The following PRKCH variants were observed in gnomAD, a reference collection of about 807,000 sequenced individuals.
The protein encoded by PRKCH is protein kinase C eta.
In PRKCH, 28 loss-of-function variants were observed where a neutral mutation model predicts 82.5. The observed-to-expected ratio is 0.34, with a 90% CI of 0.25 to 0.47. PRKCH has a LOEUF of 0.47. Among genes scored for constraint, PRKCH ranks in the 20% least tolerant of loss-of-function variants. The pLI, the probability that PRKCH is intolerant of heterozygous loss-of-function variation, is 1.00. For missense variants in PRKCH, 705 were observed against 881.8 expected, an observed-to-expected ratio of 0.80 and a Z score of 2.54; for synonymous variants, 322 against 327.4, an observed-to-expected ratio of 0.98 and a Z score of 0.18.
At position 61,361,443 on chromosome 14, in the gene PRKCH, G is replaced by C. The variant is rs1324086033; in HGVS notation, c.364-29782G>C. Among the ~76,000 whole-genome samples, 4 of 152,202 alleles carry C rather than the reference G, an allele frequency of 2.6e-5. No individual in the cohort carries two copies. In the South Asian group the frequency reaches 8.3e-4, roughly 32 times the overall value. On this transcript the variant is annotated intron_variant, in intron 1 of 13. Transcript: ENST00000332981. ...AACATTACAAGTTTATTTTGCTAGT[G>C]AAACCTTTTATTTACCAATGAAGCA...
At position 61,500,713 on chromosome 14, in the gene PRKCH, G is replaced by A. The variant is rs186755584; in HGVS notation, c.1433+15057G>A. On this transcript the variant is annotated intron_variant, in intron 10 of 13. Transcript: ENST00000332981. ...ATAAATCCCAGAACTGAGGATCTCT[G>A]TGCACAGCCCACTCTGCAAAGGTGG... Among the ~76,000 whole-genome samples, 241 of 152,208 alleles carry A rather than the reference G, an allele frequency of 1.6e-3. 1 individual carries two copies. The highest frequency in any genetic ancestry group is 5.2e-3 in the African/African-American group (217 of 41,486).
intron 9 of PRKCH, among the ~76,000 whole-genome samples, chr14:61,459,471 AG>A (rs1220963338): frequency 3.3e-5 from 5 of 152,214 alleles, no homozygotes; most frequent in African/African-American, 9.7e-5. Flanking sequence ...GAGGTTGAAC[AG>A]GGGCCTTGAG....
intron 10 of PRKCH, among the ~76,000 whole-genome samples, chr14:61,485,947 T>C (rs147864468): frequency 2.8e-4 from 42 of 152,286 alleles, no homozygotes; most frequent in African/African-American, 9.4e-4. Flanking sequence ...TTTTATTTTT[T>C]GTAGAGACAG....
chr14:61,189,683 T>A (rs2044395236), intron 1 of PRKCH, among the ~76,000 whole-genome samples: 1 of 151,050 alleles, frequency 6.6e-6, no homozygotes, highest in Non-Finnish European at 1.5e-5. Flanking sequence ...GTTACTTGAT[T>A]TTTTTTTTTC....
chr14:61,303,634 A>G (rs1431774223), intron 1 of PRKCH: 1 of 151,912 alleles, frequency 6.6e-6, no homozygotes, highest in Admixed American at 6.6e-5. Flanking sequence ...TCATCCTTGC[A>G]ATCTTTTTCT....
intron 1 of PRKCH, among the ~76,000 whole-genome samples, chr14:61,246,189 T>C (rs370309412): frequency 1.3e-5 from 2 of 151,080 alleles, no homozygotes; most frequent in Non-Finnish European, 1.5e-5. Flanking sequence ...GTGGATCACC[T>C]GAGGTCAGGA....
intron 1 of PRKCH, among the ~76,000 whole-genome samples, chr14:61,200,401 G>T (rs966670369): frequency 6.6e-6 from 1 of 151,814 alleles, no homozygotes; most frequent in Non-Finnish European, 1.5e-5. Flanking sequence ...GTGTGTGTGT[G>T]TGTGTGTGTT....
At chr14:61,243,240 C>CA (rs148773493) in intron 1 of PRKCH, among the ~76,000 whole-genome samples, 11,398 of 151,322 alleles carry the variant, frequency 0.075, 511 homozygotes, top group East Asian at 0.17. Context: ...ACTACAAATA[C>CA]AAAAAAAATT....
intron 1 of PRKCH, among the ~76,000 whole-genome samples, chr14:61,287,570 C>T (rs1396959739): frequency 6.6e-6 from 1 of 152,056 alleles, no homozygotes; most frequent in East Asian, 1.9e-4. Flanking sequence ...ATTACCTAGG[C>T]ATGGTAGTGC....
intron 1 of PRKCH, among the ~76,000 whole-genome samples, chr14:61,203,261 C>T (rs1240495018): frequency 1.3e-5 from 2 of 152,080 alleles, no homozygotes; most frequent in Non-Finnish European, 2.9e-5. Flanking sequence ...CTGTCCCTGT[C>T]TTCCAAGGAA....
intron 1 of PRKCH, among the ~76,000 whole-genome samples, chr14:61,327,838 G>A (rs191535496): frequency 2.0e-5 from 3 of 152,334 alleles, no homozygotes; most frequent in Admixed American, 2.0e-4. Context: ...TAAAGTGTAA[G>A]TACTTTGGGA....
intron 2 of PRKCH, among the ~76,000 whole-genome samples, chr14:61,437,149 C>T (rs1044962939): frequency 2.0e-5 from 3 of 152,236 alleles, no homozygotes; most frequent in Admixed American, 6.5e-5. Flanking sequence ...TGTAAATAGC[C>T]GTTTAGTTAA....
At chr14:61,464,038 A>G (rs1247398349) in intron 9 of PRKCH, among the ~76,000 whole-genome samples, 1 of 152,226 alleles carries the variant, frequency 6.6e-6, no homozygotes, top group Non-Finnish European at 1.5e-5. Flanking sequence ...ATGAGAGTGC[A>G]GGCATCTTTT....
intron 10 of PRKCH, among the ~76,000 whole-genome samples, chr14:61,508,880 G>A (rs1232719549): frequency 6.6e-6 from 1 of 152,124 alleles, no homozygotes; most frequent in Non-Finnish European, 1.5e-5. Context: ...GTTTTACTCA[G>A]TCACAACCTA....
At chr14:61,392,945 A>AT (rs1056914908) in intron 2 of PRKCH, among the ~76,000 whole-genome samples, 31 of 151,276 alleles carry the variant, frequency 2.0e-4, no homozygotes, top group South Asian at 4.2e-4. Context: ...GAGTTGAAAC[A>AT]TTTTTTTTCA....
chr14:61,254,098 A>G (rs1393253720), intron 1 of PRKCH, among the ~76,000 whole-genome samples: 5 of 151,232 alleles, frequency 3.3e-5, no homozygotes, highest in Non-Finnish European at 7.4e-5. Flanking sequence ...TGAGGAGTAT[A>G]AAAAGCTGAA....
intron 1 of PRKCH, among the ~76,000 whole-genome samples, chr14:61,373,151 C>G (rs1379796469): frequency 6.6e-6 from 1 of 151,902 alleles, no homozygotes; most frequent in African/African-American, 2.4e-5. Context: ...CAAGAACTGG[C>G]TGTATTAGTC....
chr14:61,516,057 C>T (rs988413922), intron 10 of PRKCH, among the ~76,000 whole-genome samples: 1 of 152,136 alleles, frequency 6.6e-6, no homozygotes, highest in South Asian at 2.1e-4. Flanking sequence ...AAACTAAACT[C>T]GGCTAATCAG....
intron 1 of PRKCH, among the ~76,000 whole-genome samples, chr14:61,389,309 C>G (rs1338330635): frequency 6.6e-6 from 1 of 151,102 alleles, no homozygotes; most frequent in African/African-American, 2.4e-5. Flanking sequence ...ATGATTGCAG[C>G]ATTGAAGTCC....
Sources: allele counts gnomAD v4.1 joint callset (sites outside exome capture counted in the v4.1 genomes callset), GRCh38; gene constraint gnomAD v4.1.1; transcripts MANE v1.5; gene names NCBI Gene and HGNC (gene_info 2026-07-23, HGNC 2026-07-21).